TAFA5: variants seen among roughly 807,000 people sequenced by gnomAD.
TAFA5 encodes the protein chemokine-like protein TAFA-5.
In TAFA5, 6 loss-of-function variants were observed where a neutral mutation model predicts 15.3. The observed-to-expected ratio is 0.39, with a 90% CI of 0.21 to 0.77. The LOEUF is 0.77. Among genes scored for constraint, TAFA5 ranks in the 30% least tolerant of loss-of-function variants. TAFA5 has a pLI of 0.41. For synonymous variants in TAFA5, 103 were observed against 80.7 expected (o/e 1.28, Z -1.48); for missense variants, 161 against 193.1 (o/e 0.83, Z 0.98).
At chr22:48,600,895 G>A (rs910719011) in intron 1 of TAFA5, among the ~76,000 whole-genome samples, 2 of 152,248 alleles carry the variant, frequency 1.3e-5, no homozygotes, top group East Asian at 3.9e-4. Context: ...GCTTGTGTTC[G>A]AGGTCGGTAG....
chr22:48,658,094 C>T (rs1385923946), intron 2 of TAFA5, among the ~76,000 whole-genome samples: 2 of 152,214 alleles, frequency 1.3e-5, no homozygotes, highest in Non-Finnish European at 1.5e-5. Context: ...GGTGCTGGCG[C>T]GGGCCCTGAT....
chr22:48,624,326 C>T (rs1925952705), intron 1 of TAFA5, among the ~76,000 whole-genome samples: 2 of 152,122 alleles, frequency 1.3e-5, no homozygotes, highest in Non-Finnish European at 2.9e-5. Context: ...TCGTGTGGGT[C>T]AGGTTCCTGC....
chr22:48,549,078 A>G (rs1020220801), intron 1 of TAFA5, among the ~76,000 whole-genome samples: 1 of 152,234 alleles, frequency 6.6e-6, no homozygotes, highest in Non-Finnish European at 1.5e-5. Context: ...TTCATCATAC[A>G]TTGTCTCCTG....
intron 3 of TAFA5, among the ~76,000 whole-genome samples, chr22:48,718,056 C>T (rs1419687086): frequency 6.6e-6 from 1 of 152,166 alleles, no homozygotes; most frequent in African/African-American, 2.4e-5. Context: ...GAGCTCGTGG[C>T]CTTGCATGGC....
intron 2 of TAFA5, among the ~76,000 whole-genome samples, chr22:48,670,756 G>C (rs531100296): frequency 7.9e-5 from 12 of 152,338 alleles, no homozygotes; most frequent in Middle Eastern, 3.4e-3. Context: ...GCCTGAAGGC[G>C]AGAAAGCACC....
chr22:48,535,730 A>G (rs910083809), intron 1 of TAFA5, among the ~76,000 whole-genome samples: 1 of 149,646 alleles, frequency 6.7e-6, no homozygotes, highest in Non-Finnish European at 1.5e-5. Context: ...ACACAGTCAC[A>G]CCGGCACATC....
chr22:48,743,695 G>A (rs937346674), intron 3 of TAFA5, among the ~76,000 whole-genome samples: 20 of 152,334 alleles, frequency 1.3e-4, no homozygotes, highest in Non-Finnish European at 1.5e-4. Context: ...CAGCCGAGGC[G>A]CTGACGTCTC....
chr22:48,536,048 G>A (rs9627370), intron 1 of TAFA5, among the ~76,000 whole-genome samples: 13,230 of 152,242 alleles, frequency 0.087, 1,234 homozygotes, highest in East Asian at 0.24. Context: ...TCGAGCCCCC[G>A]CCACAGAGCT....
At chr22:48,705,334 C>T in intron 2 of TAFA5, among the ~76,000 whole-genome samples, 1 of 152,206 alleles carries the variant, frequency 6.6e-6, no homozygotes, top group East Asian at 1.9e-4. Flanking sequence ...CCATCTCAGA[C>T]TCCTCTCCAC....
chr22:48,666,010 G>T (rs1414319976), intron 2 of TAFA5, among the ~76,000 whole-genome samples: 1 of 140,078 alleles, frequency 7.1e-6, no homozygotes. Flanking sequence ...GGGAACGAGG[G>T]GCCTGGCCTG....
At chr22:48,743,909 G>A (rs1486513118) in intron 3 of TAFA5, among the ~76,000 whole-genome samples, 2 of 152,238 alleles carry the variant, frequency 1.3e-5, no homozygotes, top group African/African-American at 4.8e-5. Context: ...GCCGAGTGTT[G>A]CTTGGTGGCC....
At chr22:48,559,502 G>A (rs777856644) in intron 1 of TAFA5, among the ~76,000 whole-genome samples, 5 of 152,150 alleles carry the variant, frequency 3.3e-5, no homozygotes, top group Non-Finnish European at 5.9e-5. Context: ...TGGTCCTGGA[G>A]CTCTGCTCTG....
intron 1 of TAFA5, among the ~76,000 whole-genome samples, chr22:48,562,287 G>A (rs1325425358): frequency 1.3e-5 from 2 of 152,088 alleles, no homozygotes; most frequent in Admixed American, 6.5e-5. Flanking sequence ...ACAGGCGCCC[G>A]CCACTATGCC....
chr22:48,748,804 C>T (rs963163870), intron 3 of TAFA5, among the ~76,000 whole-genome samples: 2 of 152,154 alleles, frequency 1.3e-5, no homozygotes, highest in Admixed American at 1.3e-4. Context: ...CATCACCGCC[C>T]CTGGCTGAGT....
chr22:48,685,194 C>T (rs1191825803), intron 2 of TAFA5, among the ~76,000 whole-genome samples: 1 of 152,146 alleles, frequency 6.6e-6, no homozygotes, highest in Non-Finnish European at 1.5e-5. Flanking sequence ...CTAAAGACTT[C>T]AGAAGTCAGT....
chr22:48,726,939 C>T (rs977501504), intron 3 of TAFA5, among the ~76,000 whole-genome samples: 11 of 152,140 alleles, frequency 7.2e-5, no homozygotes, highest in African/African-American at 2.2e-4. Flanking sequence ...TCCAGGTTGG[C>T]CACTCCTGGA....
chr22:48,517,586 C>G (rs1054248404), intron 1 of TAFA5, among the ~76,000 whole-genome samples: 20 of 152,212 alleles, frequency 1.3e-4, no homozygotes, highest in Non-Finnish European at 4.4e-5. Context: ...CTGGGCTGCT[C>G]TGTCCCGCGT....
At chr22:48,712,888 C>T (rs540725726) in intron 3 of TAFA5, among the ~76,000 whole-genome samples, 10 of 152,316 alleles carry the variant, frequency 6.6e-5, no homozygotes, top group African/African-American at 2.2e-4. Flanking sequence ...CTGGTGGGGC[C>T]GAGGGGAGCA....
At chr22:48,595,936 C>T (rs951951019) in intron 1 of TAFA5, among the ~76,000 whole-genome samples, 3 of 152,242 alleles carry the variant, frequency 2.0e-5, no homozygotes, top group African/African-American at 4.8e-5. Context: ...TGTAACAGGA[C>T]ATTTGTTATC....
Sources: allele counts gnomAD v4.1 joint callset (sites outside exome capture counted in the v4.1 genomes callset), GRCh38; gene constraint gnomAD v4.1.1; transcripts MANE v1.5; gene names NCBI Gene and HGNC (gene_info 2026-07-23, HGNC 2026-07-21).